USP8: variants seen among roughly 807,000 people sequenced by gnomAD.
USP8 encodes the protein ubiquitin specific peptidase 8.
Under a neutral mutation model 130.0 loss-of-function variants are expected in USP8, and 27 were observed. That is an observed-to-expected ratio of 0.21 (90% CI 0.15 to 0.29). The LOEUF is 0.29. Ranked by LOEUF, USP8 falls within the 10% of genes least tolerant of loss-of-function variation. The pLI is 1.00. For synonymous variants in USP8, 392 were observed against 444.1 expected (o/e 0.88, Z 1.48); for missense variants, 1,029 against 1,312.2 (o/e 0.78, Z 3.33).
In USP8 at chr15:50,507,137, G is replaced by C. The variant is rs1386027168; in HGVS notation, c.*8049G>C. ...GTCTCTACTAAAAATACAAAAATTA[G>C]CTGGGTCTGGTGGCACATGCCAGTA... is the stretch of plus-strand genomic sequence containing the variant. On this transcript the variant is annotated 3_prime_UTR_variant, in exon 20 of 20. Coordinates refer to ENST00000307179, the MANE Select transcript of USP8 (RefSeq NM_005154.5). The C allele has an allele frequency of 6.6e-6, 1 of 152,272 alleles. No homozygotes were observed. Among genetic ancestry groups the C allele is most frequent in the Non-Finnish European group, 1.5e-5 (1 of 68,196 alleles). The allele number at this position is 152,272 out of a possible 1,614,324, so 9.4% of individuals were successfully genotyped here.
chr15:50,470,602 CT>C (rs869062114), intron 7 of USP8, among the ~76,000 whole-genome samples: 18,272 of 132,304 alleles, frequency 0.14, 1,287 homozygotes, highest in Middle Eastern at 0.26. Context: ...AGGACTTTAG[CT>C]TTTTTTTTTT....
At chr15:50,489,663 A>T in intron 12 of USP8, 138 bp from the exon 13 acceptor site, 2 of 447,130 alleles carry the variant, frequency 4.5e-6, no homozygotes, top group Non-Finnish European at 7.6e-6. Context: ...TCTGTTTTTT[A>T]AAATATGAAG....
chr15:50,438,754 T>C (rs761292410), intron 1 of USP8, among the ~76,000 whole-genome samples: 1 of 152,226 alleles, frequency 6.6e-6, no homozygotes, highest in Non-Finnish European at 1.5e-5. Flanking sequence ...GCTAGTTCCT[T>C]TGACAGGTAA....
chr15:50,464,888 A>G (rs115960315), intron 6 of USP8, among the ~76,000 whole-genome samples, 159 bp from the exon 7 acceptor site: 2,359 of 152,330 alleles, frequency 0.015, 64 homozygotes, highest in African/African-American at 0.055. Context: ...ATGTTAGTTT[A>G]CAAGATAATA....
At chr15:50,489,943 A>G in intron 13 of USP8, 62 bp downstream of exon 13, 1 of 1,337,324 alleles carries the variant, frequency 7.5e-7, no homozygotes, top group South Asian at 1.4e-5. Context: ...TTATTTGTTT[A>G]TTTTACATCT....
At chr15:50,488,064 A>T (rs184490620) in intron 12 of USP8, among the ~76,000 whole-genome samples, 1 of 152,292 alleles carries the variant, frequency 6.6e-6, no homozygotes, top group African/African-American at 2.4e-5. Flanking sequence ...TATGTGGCTT[A>T]TCTTTTCGTT....
rs1208647763 is a variant in USP8, at chr15:50,473,817, TA to T, written c.849+2023del. Reference sequence around the variant, plus strand: ...TTGGGCATCTAAGTATATATATATATATATTTTTTTAATTTAATTTAATTTT... The same window carrying T: ...TTGGGCATCTAAGTATATATATATATTATTTTTTTAATTTAATTTAATTTT... On this transcript the variant is annotated intron_variant, in intron 8 of 19. Transcript: ENST00000307179. 1.7e-4 allele frequency among the ~76,000 whole-genome samples: 25 copies of T among 148,674 alleles called. 1 individual carries two copies. Among genetic ancestry groups the T allele is most frequent in the Middle Eastern group, 3.5e-3 (1 of 288 alleles).
chr15:50,470,678 C>G (rs942350310), intron 7 of USP8, among the ~76,000 whole-genome samples: 1 of 151,014 alleles, frequency 6.6e-6, no homozygotes, highest in Admixed American at 6.6e-5. Flanking sequence ...TCTTGGCTCA[C>G]TGCAGCCTCC....
intron 15 of USP8, chr15:50,493,335 A>G: frequency 1.9e-6 from 1 of 520,232 alleles, no homozygotes. Flanking sequence ...ATTTTGGTGT[A>G]GGGCTACAGT....
At position 50,424,408 on chromosome 15, in the gene USP8, C is replaced by G. The variant is rs1250073739; in HGVS notation, c.-172C>G. On this transcript the variant is annotated 5_prime_UTR_variant, in exon 1 of 20. Coordinates refer to ENST00000307179, the MANE Select transcript of USP8 (RefSeq NM_005154.5). ...ATGCAAATCGGGAAAAGGGGGTGAG[C>G]TGGGCTGGCTTCCGTCCTGGTAGCC... 5.0e-6 allele frequency: 2 copies of G among 398,732 alleles called. No individual in the cohort carries two copies. The highest frequency in any genetic ancestry group is 8.8e-6 in the Non-Finnish European group (2 of 226,114). The allele number at this position is 398,732 out of a possible 1,614,324, so 24.7% of individuals were successfully genotyped here.
Position 50,498,966 on chromosome 15 carries a change from C to A in USP8, c.3235C>A (p.Arg1079=). 1 of 1,613,820 alleles carries A rather than the reference C, an allele frequency of 6.2e-7. No individual in the cohort carries two copies. Among genetic ancestry groups the A allele is most frequent in the Non-Finnish European group, 8.5e-7 (1 of 1,179,854 alleles). The change falls in exon 20 of 20, where the codon CGG becomes AGG. Residue 1079 remains arginine, a synonymous_variant. Coordinates refer to ENST00000307179, the MANE Select transcript of USP8 (RefSeq NM_005154.5). The part of the protein sequence containing the change: ...TAYCKNAARQ[R]WFKFDDHEVS... ...CTATTGTAAAAATGCAGCAAGACAA[C>A]GGTGGTTTAAGTTTGATGATCATGA...
intron 6 of USP8, 53 bp from the exon 7 acceptor site, chr15:50,464,994 C>T: frequency 1.3e-6 from 2 of 1,595,552 alleles, no homozygotes; most frequent in Non-Finnish European, 1.7e-6. Context: ...TTTGTGATGT[C>T]AGCACATCTT....
At chr15:50,464,851 C>G (rs1020165330) in intron 6 of USP8, among the ~76,000 whole-genome samples, 196 bp from the exon 7 acceptor site, 2 of 151,778 alleles carry the variant, frequency 1.3e-5, no homozygotes, top group African/African-American at 2.4e-5. Context: ...GAGACCCTGT[C>G]TCAAGAAAAA....
rs58329541 is a variant in USP8, at chr15:50,506,957, C to CAAAAAAAAAAAAAAAA, written c.*7887_*7902dup. The CAAAAAAAAAAAAAAAA allele has an allele frequency of 6.5e-5, 3 of 46,196 alleles. No individual in the cohort carries two copies. Among genetic ancestry groups the CAAAAAAAAAAAAAAAA allele is most frequent in the African/African-American group, 2.8e-4 (3 of 10,530 alleles). 2.9% of individuals were successfully genotyped at this position (46,196 alleles called of 1,614,324 possible). A position where few individuals can be genotyped will look rare whatever the true frequency, so the allele number is the denominator to read the frequency against. On this transcript the variant is annotated 3_prime_UTR_variant, in exon 20 of 20. Coordinates refer to ENST00000307179, the MANE Select transcript of USP8 (RefSeq NM_005154.5). ...TGGGCGACAGAGCGAGACTTCATCTCAAAAAAAAAAAAAAAAAAAAAAAAA... is the reference window on the plus strand; with the variant it reads ...TGGGCGACAGAGCGAGACTTCATCTCAAAAAAAAAAAAAAAAAAAAAAAAAAAAAAAAAAAAAAAAA...
At position 50,507,560 on chromosome 15, in the gene USP8, T is replaced by A. The variant is rs574761461; in HGVS notation, c.*8472T>A. On this transcript the variant is annotated 3_prime_UTR_variant, in exon 20 of 20. Coordinates refer to ENST00000307179, the MANE Select transcript of USP8 (RefSeq NM_005154.5). ...GAAAAAAGGTTTAAATCACCCAAAT[T>A]GTATAATTTGAAACTGCTACCTACC... The A allele has an allele frequency of 6.6e-6, 1 of 152,062 alleles. No individual in the cohort carries two copies. The highest frequency in any genetic ancestry group is 6.5e-5 in the Admixed American group (1 of 15,276). 9.4% of individuals were successfully genotyped at this position (152,062 alleles called of 1,614,324 possible).
At chr15:50,459,990 C>G (rs1448495140) in intron 5 of USP8, among the ~76,000 whole-genome samples, 2 of 108,960 alleles carry the variant, frequency 1.8e-5, no homozygotes, top group East Asian at 2.9e-4. Flanking sequence ...TTCCCCCACC[C>G]CCCCCCTTTT....
rs1419007886 is a variant in USP8 at position 50,514,264 on chromosome 15, G to C, written c.*15176G>C. The C allele has an allele frequency of 6.6e-6, 1 of 152,160 alleles. No individual in the cohort carries two copies. Among genetic ancestry groups the C allele is most frequent in the African/African-American group, 2.4e-5 (1 of 41,422 alleles). 9.4% of individuals were successfully genotyped at this position (152,160 alleles called of 1,614,324 possible). On this transcript the variant is annotated 3_prime_UTR_variant, in exon 20 of 20. Coordinates refer to ENST00000307179, the MANE Select transcript of USP8 (RefSeq NM_005154.5). ...CAGTGGTTTTCCAGACTCGAAGGCA[G>C]GTACAAGCACAGTTAGGGTGCTGGT...
rs752867013 is a variant in USP8 at position 50,492,714 on chromosome 15, C to G, written c.2248C>G (p.Pro750Ala). 2.5e-6 allele frequency: 4 copies of G among 1,613,700 alleles called. No homozygotes were observed. The highest frequency in any genetic ancestry group is 2.5e-6 in the Non-Finnish European group (3 of 1,179,986). ...TTTCTTCCTCAGGCCAACATGTTAT[C>G]CTAAAGCTGAGATCTCAAGGCTTTC... Reference protein sequence around the residue: ...VNRENKPTCYPKAEISRLSAS... With the variant: ...VNRENKPTCYAKAEISRLSAS... Residue 750 changes from proline (P) to alanine (A), a missense_variant, in exon 15 of 20, where the codon CCT (proline) becomes GCT (alanine). Physicochemically the swap from Pro to Ala is conservative, Grantham distance 27 (BLOSUM62 -1). Coordinates refer to ENST00000307179, the MANE Select transcript of USP8 (RefSeq NM_005154.5).
rs2052763353 is a variant in USP8 at position 50,513,411 on chromosome 15, A to G, written c.*14323A>G. ...GATATATCTTTAAAATATTTAATGAAAAAGTATGCTTGGCGCGGTAGCTCA... is the reference window on the plus strand; with the variant it reads ...GATATATCTTTAAAATATTTAATGAGAAAGTATGCTTGGCGCGGTAGCTCA... On this transcript the variant is annotated 3_prime_UTR_variant, in exon 20 of 20. Transcript: ENST00000307179. 6.6e-6 allele frequency: 1 copy of G among 152,000 alleles called. No individual in the cohort carries two copies. The highest frequency in any genetic ancestry group is 1.5e-5 in the Non-Finnish European group (1 of 67,992). The allele number at this position is 152,000 out of a possible 1,614,324, so 9.4% of individuals were successfully genotyped here.
Sources: allele counts gnomAD v4.1 joint callset (sites outside exome capture counted in the v4.1 genomes callset), GRCh38; gene constraint gnomAD v4.1.1; transcripts MANE v1.5; gene names NCBI Gene and HGNC (gene_info 2026-07-23, HGNC 2026-07-21).